CTNNA1: variants seen among roughly 807,000 people sequenced by gnomAD.
CTNNA1 encodes catenin alpha 1.
A neutral mutation model predicts 98.4 loss-of-function variants in CTNNA1; 37 were observed. That is an observed-to-expected ratio of 0.38 (90% CI 0.29 to 0.49). The LOEUF is 0.49. Ranked by LOEUF, CTNNA1 falls within the 20% of genes least tolerant of loss-of-function variation. The pLI, the probability that CTNNA1 is intolerant of heterozygous loss-of-function variation, is 0.95. For synonymous variants in CTNNA1, 404 were observed against 413.2 expected, an observed-to-expected ratio of 0.98 and a Z score of 0.27; for missense variants, 761 against 1,147.2, an observed-to-expected ratio of 0.66 and a Z score of 4.86.
intron 1 of CTNNA1, among the ~76,000 whole-genome samples, chr5:138,768,987 ATGAC>A (rs1753235088): frequency 6.6e-6 from 1 of 152,132 alleles, no homozygotes; most frequent in Admixed American, 6.6e-5. Flanking sequence ...TGATGAATGA[ATGAC>A]TGAATAGGTC....
intron 7 of CTNNA1, chr5:138,828,216 A>G (rs1760918754): frequency 6.3e-6 from 1 of 159,410 alleles, no homozygotes; most frequent in African/African-American, 2.4e-5. Context: ...TGCCTCCTCA[A>G]TATTTATAGT....
Position 138,810,196 on chromosome 5 carries a change from C to G in CTNNA1, c.460C>G (p.Leu154Val), listed in dbSNP as rs1758533159. Residue 154 changes from leucine (L) to valine (V), a missense_variant, in exon 4 of 18, where the codon CTG (leucine) becomes GTG (valine). Physicochemically the swap from Leu to Val is conservative, Grantham distance 32. Transcript: ENST00000302763. ...AGATGTCTACAAATTACTTGTTCAGCTGAAAGTTGTAAGTATACAGGCCTA... is the reference window on the plus strand; with the variant it reads ...AGATGTCTACAAATTACTTGTTCAGGTGAAAGTTGTAAGTATACAGGCCTA... The part of the protein sequence containing the change: ...MADVYKLLVQ[L>V]KVVEDGILKL... The G allele has an allele frequency of 6.2e-7, 1 of 1,613,890 alleles. No individual in the cohort carries two copies. Among genetic ancestry groups the G allele is most frequent in the African/African-American group, 1.3e-5 (1 of 75,056 alleles).
intron 5 of CTNNA1, among the ~76,000 whole-genome samples, chr5:138,813,021 C>T (rs1259205477): frequency 6.6e-6 from 1 of 152,220 alleles, no homozygotes; most frequent in Admixed American, 6.5e-5. Flanking sequence ...TTAGCTAGTA[C>T]CTTTATCAGT....
chr5:138,875,841 A>G lies in CTNNA1; in HGVS notation c.1063-10371A>G, dbSNP rs890032302. On this transcript the variant is annotated intron_variant, in intron 7 of 17. Coordinates refer to ENST00000302763, the MANE Select transcript of CTNNA1 (RefSeq NM_001903.5). Reference sequence around the variant, plus strand: ...TATGATTTGCTTTAGATGTGTTGATAAACTAGCTAAGTGGGCTTGGCTTGT... The same window carrying G: ...TATGATTTGCTTTAGATGTGTTGATGAACTAGCTAAGTGGGCTTGGCTTGT... The G allele has an allele frequency of 3.7e-5, 20 of 547,370 alleles. No homozygotes were observed. The South Asian group carries it at 9.5e-4, about 26-fold the overall frequency. The allele number at this position is 547,370 out of a possible 1,614,324, so 33.9% of individuals were successfully genotyped here.
chr5:138,760,308 T>C (rs1281178033), intron 1 of CTNNA1, among the ~76,000 whole-genome samples: 2 of 152,022 alleles, frequency 1.3e-5, no homozygotes, highest in Admixed American at 1.3e-4. Context: ...TTCTTTCCTT[T>C]TAAAGGCTGA....
intron 7 of CTNNA1, among the ~76,000 whole-genome samples, chr5:138,850,600 A>C (rs897862450): frequency 2.6e-5 from 4 of 151,934 alleles, no homozygotes; most frequent in African/African-American, 9.7e-5. Flanking sequence ...ATACTTCATT[A>C]ATTTATTTTT....
chr5:138,825,483 T>TTTTTTTTTTTTTTTG (rs1760597701), intron 6 of CTNNA1, among the ~76,000 whole-genome samples: 1 of 51,646 alleles, frequency 1.9e-5, no homozygotes, highest in Admixed American at 2.5e-4. Context: ...GCAGTATAAG[T>TTTTTTTTTTTTTTTG]TTTTTTTTTT....
chr5:138,820,350 C>T (rs1759909774), intron 5 of CTNNA1, among the ~76,000 whole-genome samples: 1 of 151,972 alleles, frequency 6.6e-6, no homozygotes, highest in Admixed American at 6.6e-5. Flanking sequence ...GATGGTATAG[C>T]ACAGTAGTTG....
chr5:138,812,403 G>A (rs1005853639), intron 5 of CTNNA1, 101 bp downstream of exon 5: 19 of 1,285,324 alleles, frequency 1.5e-5, no homozygotes, highest in Middle Eastern at 1.9e-4. Flanking sequence ...ACTTACCTTC[G>A]CCAATATAGT....
Position 138,904,451 on chromosome 5 carries a change from A to T in CTNNA1, c.1389+10A>T, listed in dbSNP as rs1051113761. ...AGCCCTCTGTCCTCAGGTAAAGTAC[A>T]ACTGACACTGGTGACAGCATAACCA... On this transcript the variant is annotated intron_variant, in intron 10 of 17. Transcript: ENST00000302763. 4 of 1,611,558 alleles carry T rather than the reference A, an allele frequency of 2.5e-6. No homozygotes were observed. In the Admixed American group the frequency reaches 5.1e-5, roughly 20 times the overall value.
rs924303936 is a variant in CTNNA1 at position 138,933,871 on chromosome 5, G to C, written c.2503G>C (p.Ala835Pro). The change falls in exon 18 of 18, where the codon GCA becomes CCA. Residue 835 changes from alanine to proline, a missense_variant. This residue lies in a region of CTNNA1 where 57 missense variants were observed against 90.9 expected (regional missense o/e 0.63). Coordinates refer to ENST00000302763, the MANE Select transcript of CTNNA1 (RefSeq NM_001903.5). Reference sequence around the variant, plus strand: ...GAATGCTGTGGTGCAGACAGTGAAGGCATCCTACGTCGCCTCTACCAAATA... The same window carrying C: ...GAATGCTGTGGTGCAGACAGTGAAGCCATCCTACGTCGCCTCTACCAAATA... ...LMNAVVQTVKASYVASTKYQK... is the reference protein window; with the variant it reads ...LMNAVVQTVKPSYVASTKYQK... 6.2e-7 allele frequency: 1 copy of C among 1,614,156 alleles called. No homozygotes were observed.
chr5:138,852,801 G>A (rs1360046792), intron 7 of CTNNA1, among the ~76,000 whole-genome samples: 1 of 151,038 alleles, frequency 6.6e-6, no homozygotes, highest in Non-Finnish European at 1.5e-5. Context: ...TTACCAATCT[G>A]GAATCAATAA....
chr5:138,881,411 C>T (rs1199724295), intron 7 of CTNNA1, among the ~76,000 whole-genome samples: 2 of 152,216 alleles, frequency 1.3e-5, no homozygotes, highest in Admixed American at 1.3e-4. Flanking sequence ...AATTGCTTCT[C>T]CTGTTATTCA....
At chr5:138,849,272 T>A (rs773893975) in intron 7 of CTNNA1, among the ~76,000 whole-genome samples, 2 of 152,188 alleles carry the variant, frequency 1.3e-5, no homozygotes, top group African/African-American at 2.4e-5. Context: ...TATTTTTTTT[T>A]AAAATTAGCA....
intron 7 of CTNNA1, among the ~76,000 whole-genome samples, chr5:138,829,453 G>A (rs1202766226): frequency 6.6e-6 from 1 of 152,184 alleles, no homozygotes; most frequent in Non-Finnish European, 1.5e-5. Context: ...TTGGTGGGAA[G>A]GAGGATGTGA....
At chr5:138,910,789 T>C (rs1445343595) in intron 10 of CTNNA1, among the ~76,000 whole-genome samples, 1 of 152,148 alleles carries the variant, frequency 6.6e-6, no homozygotes, top group Non-Finnish European at 1.5e-5. Flanking sequence ...GAACAGCAAG[T>C]GCAAAAGCTT....
Position 138,930,842 on chromosome 5 carries a change from A to G in CTNNA1, c.2205A>G (p.Pro735=). Residue 735 remains proline, a synonymous_variant, in exon 16 of 18, where the codon CCA becomes CCG. Transcript: ENST00000302763. ...TCCCTCTTCTCAGAGGTAAAGGACCACTCAAAAATACATCGGATGTCATCA... is the reference window on the plus strand; with the variant it reads ...TCCCTCTTCTCAGAGGTAAAGGACCGCTCAAAAATACATCGGATGTCATCA... ...EMTDFTRGKG[P]LKNTSDVISA... 6.2e-7 allele frequency: 1 copy of G among 1,610,508 alleles called. No homozygotes were observed. The highest frequency in any genetic ancestry group is 8.5e-7 in the Non-Finnish European group (1 of 1,176,688).
intron 7 of CTNNA1, chr5:138,875,018 T>G: frequency 1.7e-6 from 2 of 1,143,486 alleles, no homozygotes; most frequent in African/African-American, 1.5e-5. Context: ...TTTCCTGTTT[T>G]CTGTGTCCCA....
At chr5:138,915,066 C>A (rs1194398604) in intron 10 of CTNNA1, among the ~76,000 whole-genome samples, 6 of 152,046 alleles carry the variant, frequency 3.9e-5, no homozygotes, top group Non-Finnish European at 7.4e-5. Flanking sequence ...AGAATCACTT[C>A]AACCTGGGAG....
Sources: gnomAD v4.1 joint callset for allele counts (sites outside exome capture counted in the v4.1 genomes callset) on GRCh38, gnomAD v4.1.1 for gene constraint, gnomAD v4.1.1 regional missense constraint, MANE v1.5 for transcripts, NCBI Gene and HGNC (gene_info 2026-07-23, HGNC 2026-07-21) for gene names.